The following PODXL variants were observed in gnomAD, a reference collection of about 807,000 sequenced individuals.
The protein encoded by PODXL is podocalyxin.
PODXL carries 20 observed loss-of-function variants against 48.9 expected under a neutral mutation model. That is an observed-to-expected ratio of 0.41 (90% confidence interval 0.29 to 0.59). The LOEUF is 0.59. Among genes scored for constraint, PODXL ranks in the 20% least tolerant of loss-of-function variants. The pLI is 0.31. For synonymous variants in PODXL, 295 were observed against 287.4 expected (o/e 1.03, Z -0.27); for missense variants, 606 against 675.1 (o/e 0.90, Z 1.13).
intron 6 of PODXL, 65 bp from the exon 7 acceptor site, chr7:131,506,386 G>A: frequency 6.4e-7 from 1 of 1,560,886 alleles, no homozygotes; most frequent in East Asian, 2.2e-5. Context: ...GACGGGGACT[G>A]CGCCCCAAGA....
At chr7:131,515,816 AGAT>A (rs1367147165) in intron 1 of PODXL, among the ~76,000 whole-genome samples, 1 of 152,188 alleles carries the variant, frequency 6.6e-6, no homozygotes, top group African/African-American at 2.4e-5. Flanking sequence ...CTCTCCTGTA[AGAT>A]CCTCAATAAC....
At position 131,556,529 on chromosome 7, in the gene PODXL, C is replaced by CG. The variant is rs1798751055; in HGVS notation, c.-171dup. 11 of 770,776 alleles carry CG rather than the reference C, an allele frequency of 1.4e-5. 1 individual carries two copies. The highest frequency in any genetic ancestry group is 1.8e-5 in the Non-Finnish European group (10 of 568,166). The allele number at this position is 770,776 out of a possible 1,614,324, so 47.7% of individuals were successfully genotyped here. ...CGCTGCGGCGGCTCTTCCTCCCTGC[C>CG]GCTGCAGCAGAGCCGGGCTGGGGCG... On this transcript the variant is annotated 5_prime_UTR_variant, in exon 1 of 9. Coordinates refer to ENST00000378555, the MANE Select transcript of PODXL (RefSeq NM_001018111.3).
intron 1 of PODXL, among the ~76,000 whole-genome samples, chr7:131,513,257 C>G (rs913594581): frequency 1.3e-5 from 2 of 152,134 alleles, no homozygotes; most frequent in African/African-American, 4.8e-5. Flanking sequence ...ATGGAATGAA[C>G]AGCGTTGGCC....
chr7:131,502,713 T>TC lies in PODXL; in HGVS notation c.*1597dup, dbSNP rs1033239307. On this transcript the variant is annotated 3_prime_UTR_variant, in exon 9 of 9. Transcript: ENST00000378555. ...GAACGATGGAGACCATGGCGAAAGT[T>TC]CAACATTCCACACAGGATTCCCCCT... is the stretch of plus-strand genomic sequence containing the variant. 5.0e-4 allele frequency: 77 copies of TC among 152,558 alleles called. No homozygotes were observed. Among genetic ancestry groups the TC allele is most frequent in the Non-Finnish European group, 1.8e-4 (12 of 68,038 alleles). The allele number at this position is 152,558 out of a possible 1,614,324, so 9.5% of individuals were successfully genotyped here. A position where few individuals can be genotyped will look rare whatever the true frequency, so the allele number is the denominator to read the frequency against.
chr7:131,535,842 G>A (rs1409871509), intron 1 of PODXL, among the ~76,000 whole-genome samples: 1 of 152,120 alleles, frequency 6.6e-6, no homozygotes, highest in East Asian at 1.9e-4. Context: ...GCTCACTGCA[G>A]CCTTGACCTC....
At chr7:131,555,407 T>A (rs951209898) in intron 1 of PODXL, among the ~76,000 whole-genome samples, 3 of 152,046 alleles carry the variant, frequency 2.0e-5, no homozygotes, top group African/African-American at 7.3e-5. Context: ...AGGGAAAGAG[T>A]AACATTTCAC....
intron 1 of PODXL, among the ~76,000 whole-genome samples, chr7:131,532,446 A>AAAT: frequency 6.7e-6 from 1 of 148,844 alleles, no homozygotes; most frequent in Non-Finnish European, 1.5e-5. Flanking sequence ...AAAAAAAAAA[A>AAAT]AAAAATTAAA....
chr7:131,520,293 T>A, intron 1 of PODXL: 1 of 519,064 alleles, frequency 1.9e-6, no homozygotes, highest in Non-Finnish European at 3.8e-6. Flanking sequence ...AAATTTGCCA[T>A]GAAAGAGATG....
rs555939370 is a variant in PODXL at position 131,540,148 on chromosome 7, T to C, written c.100+16112A>G. ...GCTTCAACCTCCTCCTGGGCTCAGA[T>C]GATCCTCCCACCTCAGCCTGCCATG... On this transcript the variant is annotated intron_variant, in intron 1 of 8. Transcript: ENST00000378555. Among the ~76,000 whole-genome samples the C allele has an allele frequency of 1.4e-4, 21 of 152,260 alleles. No homozygotes were observed. In the South Asian group the frequency reaches 4.4e-3, roughly 32 times the overall value.
In PODXL at chr7:131,503,490, T is replaced by G. The variant is rs1340336099; in HGVS notation, c.*821A>C. 2.0e-5 allele frequency: 3 copies of G among 152,344 alleles called. No homozygotes were observed. The highest frequency in any genetic ancestry group is 7.2e-5 in the African/African-American group (3 of 41,456). 9.4% of individuals were successfully genotyped at this position (152,344 alleles called of 1,614,324 possible). On this transcript the variant is annotated 3_prime_UTR_variant, in exon 9 of 9. Coordinates refer to ENST00000378555, the MANE Select transcript of PODXL (RefSeq NM_001018111.3). ...CATCAGCTGCCCTGAGATACCAGCC[T>G]GGACTCGAGTGTCCCCTTCTCTCCT...
intron 8 of PODXL, 75 bp from the exon 9 acceptor site, chr7:131,504,583 C>G: frequency 9.6e-6 from 12 of 1,243,716 alleles, no homozygotes; most frequent in Non-Finnish European, 1.4e-5. Context: ...TGTACGTACC[C>G]CTCCCACTCA....
Position 131,503,704 on chromosome 7 carries a change from A to T in PODXL, c.*607T>A. ...GTGGGAACAAACACTGAGTGTAGGG[A>T]GGGGTAAGAACATAGAGGGTGGGAA... is the stretch of plus-strand genomic sequence containing the variant. On this transcript the variant is annotated 3_prime_UTR_variant, in exon 9 of 9. Transcript: ENST00000378555. The T allele has an allele frequency of 1.3e-5, 2 of 154,808 alleles. No homozygotes were observed. The highest frequency in any genetic ancestry group is 2.0e-4 in the South Asian group (1 of 4,976). 9.6% of individuals were successfully genotyped at this position (154,808 alleles called of 1,614,324 possible). A position where few individuals can be genotyped will look rare whatever the true frequency, so the allele number is the denominator to read the frequency against.
At chr7:131,505,437 AG>A (rs920241347) in intron 8 of PODXL, among the ~76,000 whole-genome samples, 1 of 152,034 alleles carries the variant, frequency 6.6e-6, no homozygotes, top group African/African-American at 2.4e-5. Flanking sequence ...GCTTGAGGTC[AG>A]GAGTTCGAGA....
At chr7:131,544,505 T>C (rs1283649620) in intron 1 of PODXL, among the ~76,000 whole-genome samples, 1 of 152,132 alleles carries the variant, frequency 6.6e-6, no homozygotes, top group African/African-American at 2.4e-5. Flanking sequence ...ACCCCAGCCA[T>C]GGAGAAGCAA....
In PODXL at chr7:131,511,306, G is replaced by A; in HGVS notation, c.228C>T (p.Ala76=). 1 of 1,613,898 alleles carries A rather than the reference G, an allele frequency of 6.2e-7. No homozygotes were observed. Among genetic ancestry groups the A allele is most frequent in the Non-Finnish European group, 8.5e-7 (1 of 1,180,004 alleles). ...VPTSKANEIL[A]SVKATTLGVS... Reference sequence around the variant, plus strand: ...CACCAAGGGTGGTCGCCTTGACCGAGGCCAAGATTTCGTTGGCCTTGGAAG... The same window carrying A: ...CACCAAGGGTGGTCGCCTTGACCGAAGCCAAGATTTCGTTGGCCTTGGAAG... The change falls in exon 2 of 9, where the codon GCC becomes GCT. Residue 76 remains alanine (A), a synonymous_variant. Transcript: ENST00000378555.
intron 1 of PODXL, among the ~76,000 whole-genome samples, chr7:131,521,032 G>A (rs536291186): frequency 4.6e-5 from 7 of 152,224 alleles, no homozygotes; most frequent in Non-Finnish European, 8.8e-5. Flanking sequence ...GCCGGGCGTG[G>A]TGGCAGGTGC....
At chr7:131,518,205 C>T (rs989372580) in intron 1 of PODXL, among the ~76,000 whole-genome samples, 10 of 152,046 alleles carry the variant, frequency 6.6e-5, no homozygotes, top group African/African-American at 1.2e-4. Flanking sequence ...TGTCTTTTTG[C>T]GGGGGGAATG....
intron 8 of PODXL, among the ~76,000 whole-genome samples, chr7:131,505,049 T>C (rs769053525): frequency 6.6e-6 from 1 of 152,134 alleles, no homozygotes; most frequent in Non-Finnish European, 1.5e-5. Flanking sequence ...ACTACACTGA[T>C]GGACTCAGAG....
In PODXL at chr7:131,556,477, A is replaced by G; in HGVS notation, c.-118T>C. 8.4e-7 allele frequency: 1 copy of G among 1,193,018 alleles called. No individual in the cohort carries two copies. The highest frequency in any genetic ancestry group is 1.1e-6 in the Non-Finnish European group (1 of 945,202). The allele number at this position is 1,193,018 out of a possible 1,614,324, so 73.9% of individuals were successfully genotyped here. On this transcript the variant is annotated 5_prime_UTR_variant, in exon 1 of 9. Transcript: ENST00000378555. ...AGGCCTGTGGGTGGCTCCGGAGGCCAGGCTGTGGCCCGGGGCTCCCGAGTC... is the reference window on the plus strand; with the variant it reads ...AGGCCTGTGGGTGGCTCCGGAGGCCGGGCTGTGGCCCGGGGCTCCCGAGTC...
Sources: allele counts gnomAD v4.1 joint callset (sites outside exome capture counted in the v4.1 genomes callset), GRCh38; gene constraint gnomAD v4.1.1; transcripts MANE v1.5; gene names NCBI Gene and HGNC (gene_info 2026-07-23, HGNC 2026-07-21).